RBFOX1: variants seen among roughly 807,000 people sequenced by gnomAD.
RBFOX1 encodes RNA binding protein fox-1 homolog 1.
RBFOX1 carries 8 observed loss-of-function variants against 57.7 expected under a neutral mutation model. That is an observed-to-expected ratio of 0.14 (90% CI 0.08 to 0.25). The LOEUF (loss-of-function observed/expected upper bound fraction) is 0.25. RBFOX1 is among the 10% of genes least tolerant of loss of function. The pLI is 1.00. For missense variants in RBFOX1, 611 were observed against 548.5 expected (o/e 1.11, Z -1.14); for synonymous variants, 326 against 222.4 (o/e 1.47, Z -4.15).
intron 4 of RBFOX1, among the ~76,000 whole-genome samples, chr16:5,868,194 G>T (rs1204866596): frequency 6.6e-6 from 1 of 152,212 alleles, no homozygotes; most frequent in Non-Finnish European, 1.5e-5. Flanking sequence ...GATAGAGCCG[G>T]TCACTCTCAC....
intron 4 of RBFOX1, among the ~76,000 whole-genome samples, chr16:7,152,791 A>G (rs1387027108): frequency 6.6e-6 from 1 of 152,214 alleles, no homozygotes; most frequent in Non-Finnish European, 1.5e-5. Context: ...ATGTCTAAGC[A>G]TGGTGGACCA....
intron 3 of RBFOX1, among the ~76,000 whole-genome samples, chr16:6,811,392 T>C (rs1195252845): frequency 6.6e-6 from 1 of 152,264 alleles, no homozygotes; most frequent in Non-Finnish European, 1.5e-5. Context: ...AGCTTTTAGC[T>C]AGATAACATT....
At chr16:6,003,031 A>C (rs147053008) in intron 4 of RBFOX1, among the ~76,000 whole-genome samples, 1,588 of 152,050 alleles carry the variant, frequency 0.01, 37 homozygotes, top group African/African-American at 0.037. Context: ...TGTAATCCCA[A>C]CACTTTGGGA....
intron 4 of RBFOX1, among the ~76,000 whole-genome samples, chr16:7,135,720 C>T (rs947315243): frequency 6.6e-6 from 1 of 152,202 alleles, no homozygotes; most frequent in Non-Finnish European, 1.5e-5. Context: ...GAAATTTTAC[C>T]AATTTAACCC....
chr16:7,544,075 G>T lies in RBFOX1; in HGVS notation c.270+25686G>T, dbSNP rs2083744247. ...TTTGTCTTCCCAATGACTTTATAAA[G>T]TGAGAGAGAATCCTCATTCTATGGA... On this transcript the variant is annotated intron_variant, in intron 5 of 15. Coordinates refer to ENST00000550418, the MANE Select transcript of RBFOX1 (RefSeq NM_018723.4). 3.9e-5 allele frequency among the ~76,000 whole-genome samples: 6 copies of T among 152,312 alleles called. No homozygotes were observed. The South Asian group carries it at 1.2e-3, about 32-fold the overall frequency.
rs1021753228 is a variant in RBFOX1, at chr16:6,773,982, A to T, written c.-16+119332A>T. 1.2e-5 allele frequency: 12 copies of T among 985,188 alleles called. No homozygotes were observed. In the African/African-American group the frequency reaches 1.8e-4, roughly 14 times the overall value. 61.0% of individuals were successfully genotyped at this position (985,188 alleles called of 1,614,324 possible). A position where few individuals can be genotyped will look rare whatever the true frequency, so the allele number is the denominator to read the frequency against. On this transcript the variant is annotated intron_variant, in intron 3 of 15. Transcript: ENST00000550418. ...GGTTCTCATGGTCCTCCCGTTTTCA[A>T]CTGAACCTGTAATTAGCTCCTCAGA...
intron 4 of RBFOX1, among the ~76,000 whole-genome samples, chr16:7,292,454 G>A (rs986792003): frequency 1.5e-5 from 2 of 133,360 alleles, no homozygotes; most frequent in South Asian, 4.8e-4. Flanking sequence ...AATATGTAAT[G>A]TATTATATAT....
intron 2 of RBFOX1, among the ~76,000 whole-genome samples, chr16:6,459,780 C>T (rs544718726): frequency 2.6e-5 from 4 of 151,642 alleles, no homozygotes; most frequent in Admixed American, 1.3e-4. Flanking sequence ...AGTTTGAGAC[C>T]AGCCTGGCCA....
chr16:7,504,749 A>AG (rs1567554329), intron 4 of RBFOX1, among the ~76,000 whole-genome samples: 1 of 6,242 alleles, frequency 1.6e-4, no homozygotes, highest in African/African-American at 3.4e-4. Context: ...ATATATATAT[A>AG]TATATTTATA....
At chr16:6,560,883 A>G (rs1023639060) in intron 2 of RBFOX1, among the ~76,000 whole-genome samples, 9 of 152,150 alleles carry the variant, frequency 5.9e-5, no homozygotes, top group African/African-American at 1.9e-4. Flanking sequence ...TAAATATTTA[A>G]TGTGAAAGGA....
intron 3 of RBFOX1, among the ~76,000 whole-genome samples, chr16:6,904,563 T>C (rs2069296213): frequency 7.4e-6 from 1 of 134,380 alleles, no homozygotes; most frequent in East Asian, 2.2e-4. Context: ...ATCATGCCAT[T>C]GCACTCCAGC....
intron 1 of RBFOX1, among the ~76,000 whole-genome samples, chr16:6,022,673 G>C (rs760920988): frequency 2.8e-4 from 43 of 152,100 alleles, no homozygotes; most frequent in Non-Finnish European, 5.1e-4. Context: ...ACCAGAATGA[G>C]ACCCTGCCTC....
chr16:7,682,346 A>C (rs2074978060), intron 14 of RBFOX1, among the ~76,000 whole-genome samples: 1 of 152,076 alleles, frequency 6.6e-6, no homozygotes, highest in Non-Finnish European at 1.5e-5. Flanking sequence ...CAAGGAACTG[A>C]GGATGGAGTT....
chr16:7,576,265 A>G (rs1507000), intron 5 of RBFOX1, among the ~76,000 whole-genome samples: 47,585 of 151,942 alleles, frequency 0.31, 8,805 homozygotes, highest in East Asian at 0.53. Flanking sequence ...AGTAAAGTGA[A>G]GGTCAGAGAA....
At position 7,568,881 on chromosome 16, in the gene RBFOX1, TCAAAAA is replaced by T. The variant is rs2092443473; in HGVS notation, c.271-10895_271-10890del. ...CAGCCTGGGTGATAGAGACTCTGTC[TCAAAAA>T]AAAAAAAAAAAAAAAAAAAGAATCA... On this transcript the variant is annotated intron_variant, in intron 5 of 15. Coordinates refer to ENST00000550418, the MANE Select transcript of RBFOX1 (RefSeq NM_018723.4). 1.3e-4 allele frequency among the ~76,000 whole-genome samples: 4 copies of T among 30,658 alleles called. No individual in the cohort carries two copies. The South Asian group carries it at 2.5e-3, about 19-fold the overall frequency. The allele number at this position is 30,658 out of a possible 152,430, so 20.1% of individuals were successfully genotyped here.
At chr16:7,398,877 C>A (rs1418480336) in intron 4 of RBFOX1, among the ~76,000 whole-genome samples, 1 of 152,144 alleles carries the variant, frequency 6.6e-6, no homozygotes, top group African/African-American at 2.4e-5. Context: ...TAGAGGGTTC[C>A]CTATTCATTC....
intron 6 of RBFOX1, among the ~76,000 whole-genome samples, chr16:7,581,063 G>A (rs2093721901): frequency 6.6e-6 from 1 of 151,998 alleles, no homozygotes; most frequent in African/African-American, 2.4e-5. Flanking sequence ...TGTGTGTTGG[G>A]GATTAGCTTG....
chr16:6,116,839 A>G (rs148785721), intron 1 of RBFOX1, among the ~76,000 whole-genome samples: 36 of 152,190 alleles, frequency 2.4e-4, no homozygotes, highest in African/African-American at 8.2e-4. Flanking sequence ...AAATTGGGAG[A>G]CAGAGGGAGA....
At chr16:7,531,448 C>T (rs1169278113) in intron 5 of RBFOX1, among the ~76,000 whole-genome samples, 1 of 152,130 alleles carries the variant, frequency 6.6e-6, no homozygotes, top group Non-Finnish European at 1.5e-5. Context: ...TAATTAACCC[C>T]TTATGGCCTA....
Sources: allele counts gnomAD v4.1 joint callset (sites outside exome capture counted in the v4.1 genomes callset), GRCh38; gene constraint gnomAD v4.1.1; transcripts MANE v1.5; gene names NCBI Gene and HGNC (gene_info 2026-07-23, HGNC 2026-07-21).